The following ESCO1 variants were observed in gnomAD, a reference collection of about 807,000 sequenced individuals.
ESCO1 encodes the protein establishment of sister chromatid cohesion N-acetyltransferase 1.
ESCO1 carries 33 observed loss-of-function variants against 83.5 expected under a neutral mutation model. The ratio of observed to expected loss-of-function variants is 0.40; its 90% CI spans 0.30 to 0.53. The LOEUF is 0.53. ESCO1 is among the 20% of genes least tolerant of loss of function. ESCO1 has a pLI of 0.63. For missense variants in ESCO1, 855 were observed against 968.0 expected (o/e 0.88, Z 1.55); for synonymous variants, 332 against 324.3 (o/e 1.02, Z -0.25).
chr18:21,582,297 T>A (rs777318727), intron 2 of ESCO1, among the ~76,000 whole-genome samples: 1 of 152,004 alleles, frequency 6.6e-6, no homozygotes, highest in Non-Finnish European at 1.5e-5. Context: ...TGGTGCAATC[T>A]TGGCTCACTG....
chr18:21,571,513 CCAAA>C (rs984271794), intron 4 of ESCO1, among the ~76,000 whole-genome samples: 2 of 152,032 alleles, frequency 1.3e-5, no homozygotes, highest in African/African-American at 4.8e-5. Flanking sequence ...TAATGTTCCT[CCAAA>C]CAGAGGGGCT....
At chr18:21,598,756 G>C (rs2038799734) in intron 1 of ESCO1, among the ~76,000 whole-genome samples, 1 of 151,882 alleles carries the variant, frequency 6.6e-6, no homozygotes, top group Non-Finnish European at 1.5e-5. Flanking sequence ...TATTGATTGA[G>C]AAAGGTGAGA....
intron 1 of ESCO1, among the ~76,000 whole-genome samples, chr18:21,595,477 G>A (rs2146239839): frequency 6.6e-6 from 1 of 151,492 alleles, no homozygotes; most frequent in African/African-American, 2.4e-5. Context: ...AGACCATCCT[G>A]GCTAACACAG....
chr18:21,548,923 G>A (rs1310750118), intron 8 of ESCO1, among the ~76,000 whole-genome samples: 1 of 150,016 alleles, frequency 6.7e-6, no homozygotes, highest in Non-Finnish European at 1.5e-5. Flanking sequence ...GGCCAATAGA[G>A]CAAGACCCTG....
chr18:21,542,686 G>A (rs1251000629), intron 8 of ESCO1, among the ~76,000 whole-genome samples: 1 of 152,136 alleles, frequency 6.6e-6, no homozygotes, highest in Non-Finnish European at 1.5e-5. Context: ...GGTAAATACA[G>A]CAATAAATTC....
intron 1 of ESCO1, among the ~76,000 whole-genome samples, chr18:21,588,418 T>A (rs1435661078): frequency 6.6e-6 from 1 of 151,594 alleles, no homozygotes; most frequent in Non-Finnish European, 1.5e-5. Flanking sequence ...TTTACTTTGT[T>A]AATAAACTTG....
intron 8 of ESCO1, among the ~76,000 whole-genome samples, chr18:21,543,810 G>A (rs2037936927): frequency 6.6e-6 from 1 of 152,108 alleles, no homozygotes; most frequent in Non-Finnish European, 1.5e-5. Flanking sequence ...ATACTAAAGG[G>A]ACATAACAAC....
In ESCO1 at chr18:21,574,702, G is replaced by C; in HGVS notation, c.142C>G (p.Gln48Glu). The change falls in exon 4 of 12, where the codon CAG (glutamine) becomes GAG (glutamate). Residue 48 changes from glutamine to glutamate, a missense_variant. Transcript: ENST00000269214. ...KSGPKETIKSQAKSSSESKIN... is the reference protein window; with the variant it reads ...KSGPKETIKSEAKSSSESKIN... ...TTACTTTCACTGGAAGATTTAGCCT[G>C]TGATTTTATAGTCTCCTTTGGACCT... The C allele has an allele frequency of 6.2e-7, 1 of 1,613,256 alleles. No homozygotes were observed.
intron 8 of ESCO1, among the ~76,000 whole-genome samples, chr18:21,546,966 G>A (rs369218163): frequency 5.5e-4 from 84 of 152,248 alleles, no homozygotes; most frequent in African/African-American, 1.9e-3. Flanking sequence ...ACAGTCACAA[G>A]TCATAATGGA....
intron 1 of ESCO1, among the ~76,000 whole-genome samples, chr18:21,597,661 A>G (rs1453369685): frequency 6.6e-6 from 1 of 152,292 alleles, no homozygotes; most frequent in African/African-American, 2.4e-5. Flanking sequence ...ATAATTTTTA[A>G]GAGTGTAAGG....
chr18:21,581,707 A>G (rs574499153), intron 2 of ESCO1, among the ~76,000 whole-genome samples: 2 of 152,300 alleles, frequency 1.3e-5, no homozygotes, highest in South Asian at 4.1e-4. Context: ...CATTCATTTC[A>G]AATTAATGAA....
chr18:21,580,930 C>T (rs1406991484), intron 2 of ESCO1, among the ~76,000 whole-genome samples: 2 of 152,126 alleles, frequency 1.3e-5, no homozygotes, highest in African/African-American at 2.4e-5. Flanking sequence ...GCGGAGGTTG[C>T]GGTAAGCTGA....
intron 2 of ESCO1, among the ~76,000 whole-genome samples, chr18:21,578,705 AAATT>A (rs2038452878): frequency 6.6e-6 from 1 of 152,098 alleles, no homozygotes; most frequent in African/African-American, 2.4e-5. Flanking sequence ...AAGAAAAAAA[AAATT>A]TTTTTTGAGA....
intron 6 of ESCO1, among the ~76,000 whole-genome samples, chr18:21,564,582 G>A (rs1382501042): frequency 1.3e-5 from 2 of 150,964 alleles, no homozygotes; most frequent in African/African-American, 4.9e-5. Context: ...ATTTTTAGTA[G>A]AGACGGGGTT....
chr18:21,532,784 C>T, intron 10 of ESCO1, 124 bp from the exon 11 acceptor site: 3 of 806,860 alleles, frequency 3.7e-6, no homozygotes, highest in Non-Finnish European at 5.6e-6. Context: ...CTTATGCTTT[C>T]ACTCTCATTT....
At chr18:21,572,223 A>G (rs1419616637) in intron 4 of ESCO1, among the ~76,000 whole-genome samples, 1 of 152,214 alleles carries the variant, frequency 6.6e-6, no homozygotes, top group Non-Finnish European at 1.5e-5. Flanking sequence ...CCTAAATCAC[A>G]TTCCACTCCA....
rs2038386121 is a variant in ESCO1 at position 21,574,256 on chromosome 18, T to C, written c.588A>G (p.Glu196=). 1 of 1,613,866 alleles carries C rather than the reference T, an allele frequency of 6.2e-7. No individual in the cohort carries two copies. The highest frequency in any genetic ancestry group is 1.1e-5 in the South Asian group (1 of 91,070). ...SKEDENLVIN[E]VINSPKGKKR... ...TTTTCCCTTTGGGAGAATTTATTAC[T>C]TCATTAATTACTAGATTTTCATCTT... is the stretch of plus-strand genomic sequence containing the variant. The change falls in exon 4 of 12, where the codon GAA becomes GAG. Residue 196 remains glutamate, a synonymous_variant. Coordinates refer to ENST00000269214, the MANE Select transcript of ESCO1 (RefSeq NM_052911.3).
At chr18:21,592,675 G>T (rs1430608880) in intron 1 of ESCO1, among the ~76,000 whole-genome samples, 14 of 151,510 alleles carry the variant, frequency 9.2e-5, no homozygotes, top group Admixed American at 3.3e-4. Flanking sequence ...CCTCCCGGAC[G>T]GGGCAGCTGC....
At chr18:21,531,548 G>A (rs1038493978) in intron 11 of ESCO1, among the ~76,000 whole-genome samples, 38 of 149,154 alleles carry the variant, frequency 2.5e-4, no homozygotes, top group African/African-American at 8.9e-4. Context: ...GGCCAGACGC[G>A]ATGGCTCACA....
Sources: allele counts gnomAD v4.1 joint callset (sites outside exome capture counted in the v4.1 genomes callset), GRCh38; gene constraint gnomAD v4.1.1; transcripts MANE v1.5; gene names NCBI Gene and HGNC (gene_info 2026-07-23, HGNC 2026-07-21).